SH3RF1: variants seen among roughly 807,000 people sequenced by gnomAD.
SH3RF1 encodes the protein SH3 domain containing ring finger 1.
A neutral mutation model predicts 74.0 loss-of-function variants in SH3RF1; 32 were observed. The ratio of observed to expected loss-of-function variants is 0.43; its 90% CI spans 0.33 to 0.58. The LOEUF (loss-of-function observed/expected upper bound fraction) is 0.58, where lower values mean the gene tolerates loss of function less well. Among genes scored for constraint, SH3RF1 ranks in the 20% least tolerant of loss-of-function variants. The probability of loss-of-function intolerance (pLI) is 0.05; values close to 1 mark genes in which losing one functional copy is unlikely to be tolerated. For synonymous variants in SH3RF1, 396 were observed against 439.6 expected (o/e 0.90, Z 1.24); for missense variants, 954 against 1,130.9 (o/e 0.84, Z 2.24).
intron 2 of SH3RF1, among the ~76,000 whole-genome samples, chr4:169,246,781 T>C (rs958109414): frequency 2.0e-5 from 3 of 152,252 alleles, no homozygotes; most frequent in African/African-American, 7.2e-5. Context: ...GATCCACTAA[T>C]GTAAGTCATT....
intron 2 of SH3RF1, among the ~76,000 whole-genome samples, chr4:169,263,176 C>G (rs1386502995): frequency 6.6e-6 from 1 of 152,148 alleles, no homozygotes; most frequent in Admixed American, 6.5e-5. Flanking sequence ...TGTAGTGAAC[C>G]TTACACGCCA....
chr4:169,137,828 A>G (rs1472015659), intron 4 of SH3RF1, among the ~76,000 whole-genome samples: 1 of 152,190 alleles, frequency 6.6e-6, no homozygotes, highest in Non-Finnish European at 1.5e-5. Flanking sequence ...TCTACAGATG[A>G]TTGCAAATTG....
At position 169,096,277 on chromosome 4, in the gene SH3RF1, G is replaced by T. The variant is rs542222677; in HGVS notation, c.*242C>A. 1.4e-5 allele frequency: 5 copies of T among 370,106 alleles called. No homozygotes were observed. Among genetic ancestry groups the T allele is most frequent in the African/African-American group, 2.1e-5 (1 of 47,746 alleles). 22.9% of individuals were successfully genotyped at this position (370,106 alleles called of 1,614,324 possible). ...CTTAAAAAAAAAAAAAAGTTTCTCT[G>T]TGTAGTAAATCAGACAGTACAAGGC... is the stretch of plus-strand genomic sequence containing the variant. On this transcript the variant is annotated 3_prime_UTR_variant, in exon 12 of 12. Transcript: ENST00000284637.
intron 2 of SH3RF1, among the ~76,000 whole-genome samples, chr4:169,252,549 C>A (rs565124930): frequency 2.8e-4 from 43 of 152,358 alleles, no homozygotes; most frequent in African/African-American, 9.9e-4. Context: ...AGCAACTCTG[C>A]CTGATTGCCA....
chr4:169,101,058 C>T (rs1436391921), intron 11 of SH3RF1, among the ~76,000 whole-genome samples: 1 of 152,236 alleles, frequency 6.6e-6, no homozygotes, highest in Non-Finnish European at 1.5e-5. Flanking sequence ...ATATGTCTTA[C>T]AGCACTTAGC....
At chr4:169,236,890 T>C (rs1045509720) in intron 2 of SH3RF1, among the ~76,000 whole-genome samples, 1 of 152,204 alleles carries the variant, frequency 6.6e-6, no homozygotes, top group Non-Finnish European at 1.5e-5. Flanking sequence ...CAGGATATCA[T>C]CTGTTACAAA....
chr4:169,264,309 C>A (rs1365833092), intron 2 of SH3RF1, among the ~76,000 whole-genome samples: 12 of 152,148 alleles, frequency 7.9e-5, no homozygotes. Context: ...TCCTCATCTC[C>A]TCTTCTTATA....
intron 2 of SH3RF1, among the ~76,000 whole-genome samples, chr4:169,206,737 A>T (rs1416354037): frequency 6.6e-6 from 1 of 152,194 alleles, no homozygotes; most frequent in African/African-American, 2.4e-5. Context: ...CACACAAGCC[A>T]TGGGAGACAT....
At chr4:169,149,701 ATTGAT>A (rs1416559574) in intron 4 of SH3RF1, among the ~76,000 whole-genome samples, 2 of 152,204 alleles carry the variant, frequency 1.3e-5, no homozygotes, top group Non-Finnish European at 2.9e-5. Flanking sequence ...TTTTATAAAC[ATTGAT>A]TTAACTTTTT....
chr4:169,196,431 AG>A (rs1734812699), intron 2 of SH3RF1, among the ~76,000 whole-genome samples: 3 of 152,384 alleles, frequency 2.0e-5, no homozygotes, highest in South Asian at 4.1e-4. Context: ...AGACAATGTT[AG>A]GTAACGATGT....
At chr4:169,147,842 C>A (rs1052044214) in intron 4 of SH3RF1, among the ~76,000 whole-genome samples, 3 of 151,860 alleles carry the variant, frequency 2.0e-5, no homozygotes, top group Non-Finnish European at 4.4e-5. Flanking sequence ...CTTTTTTACA[C>A]GATATAAGAC....
intron 4 of SH3RF1, among the ~76,000 whole-genome samples, chr4:169,140,668 G>T (rs558212342): frequency 6.6e-6 from 1 of 152,280 alleles, no homozygotes; most frequent in East Asian, 1.9e-4. Context: ...TTTTTTGTGT[G>T]TATGGTTGCC....
intron 2 of SH3RF1, among the ~76,000 whole-genome samples, chr4:169,191,245 C>T (rs922601695): frequency 6.8e-6 from 1 of 147,770 alleles, no homozygotes; most frequent in African/African-American, 2.5e-5. Flanking sequence ...TATATACCAA[C>T]AGCGACCCAG....
chr4:169,140,549 G>C (rs909161599), intron 4 of SH3RF1, among the ~76,000 whole-genome samples: 3 of 152,122 alleles, frequency 2.0e-5, no homozygotes, highest in African/African-American at 7.2e-5. Context: ...AATGTAGAAA[G>C]AATGTGTTTT....
chr4:169,133,122 C>A (rs1205002373), intron 5 of SH3RF1, among the ~76,000 whole-genome samples: 1 of 152,122 alleles, frequency 6.6e-6, no homozygotes, highest in Non-Finnish European at 1.5e-5. Flanking sequence ...CATAAGGACC[C>A]ACTTATATGG....
chr4:169,204,660 C>T (rs1730211213), intron 2 of SH3RF1, among the ~76,000 whole-genome samples: 1 of 151,172 alleles, frequency 6.6e-6, no homozygotes, highest in South Asian at 2.1e-4. Context: ...GAGTGATTCA[C>T]CTACCTCAGC....
intron 4 of SH3RF1, among the ~76,000 whole-genome samples, chr4:169,151,554 C>T (rs1261824915): frequency 6.6e-6 from 1 of 152,140 alleles, no homozygotes; most frequent in East Asian, 1.9e-4. Flanking sequence ...GAAGAGGAGG[C>T]ACTCCCTTAG....
intron 8 of SH3RF1, among the ~76,000 whole-genome samples, chr4:169,119,984 A>G (rs966488517): frequency 6.6e-6 from 1 of 152,188 alleles, no homozygotes; most frequent in African/African-American, 2.4e-5. Flanking sequence ...AAAATTTTGC[A>G]TATCTAAAGC....
intron 2 of SH3RF1, among the ~76,000 whole-genome samples, chr4:169,252,401 G>A (rs1731120202): frequency 6.6e-6 from 1 of 152,164 alleles, no homozygotes; most frequent in African/African-American, 2.4e-5. Context: ...TATTCCATAG[G>A]ATCAGCTTTT....
Sources: allele counts gnomAD v4.1 joint callset (sites outside exome capture counted in the v4.1 genomes callset), GRCh38; gene constraint gnomAD v4.1.1; transcripts MANE v1.5; gene names NCBI Gene and HGNC (gene_info 2026-07-23, HGNC 2026-07-21).